RALGDS: variants seen among roughly 807,000 people sequenced by gnomAD.
RALGDS encodes the protein ral guanine nucleotide dissociation stimulator.
RALGDS carries 44 observed loss-of-function variants against 99.8 expected under a neutral mutation model. The ratio of observed to expected loss-of-function variants is 0.44; its 90% confidence interval spans 0.35 to 0.57. RALGDS has a LOEUF of 0.57. RALGDS is among the 20% of genes least tolerant of loss of function. RALGDS has a pLI of 0.01. For missense variants in RALGDS, 1,022 were observed against 1,203.1 expected (o/e 0.85, Z 2.23); for synonymous variants, 529 against 505.0 (o/e 1.05, Z -0.64).
intron 1 of RALGDS, among the ~76,000 whole-genome samples, chr9:133,120,440 C>G (rs1429894623): frequency 7.1e-6 from 1 of 141,308 alleles, no homozygotes; most frequent in Non-Finnish European, 1.5e-5. Context: ...CCCCCCCCCA[C>G]CCCGCTCTGA....
At chr9:133,113,573 C>T (rs766829981) in intron 1 of RALGDS, among the ~76,000 whole-genome samples, 6 of 152,218 alleles carry the variant, frequency 3.9e-5, no homozygotes, top group Non-Finnish European at 8.8e-5. Flanking sequence ...CAAACAGCCC[C>T]GCCAGGGGAG....
At chr9:133,130,721 AGCCATCAGAC>A (rs1832310413) in intron 1 of RALGDS, among the ~76,000 whole-genome samples, 1 of 152,212 alleles carries the variant, frequency 6.6e-6, no homozygotes, top group Admixed American at 6.6e-5. Context: ...AGACATTGGA[AGCCATCAGAC>A]GCATCCAACA....
chr9:133,100,128 G>A (rs1318431970), intron 17 of RALGDS, 140 bp downstream of exon 17: 2 of 808,730 alleles, frequency 2.5e-6, no homozygotes, highest in African/African-American at 1.7e-5. Context: ...CAGACAATGG[G>A]GGCAGCCAGG....
In RALGDS at chr9:133,110,438, C is replaced by G; in HGVS notation, c.346G>C (p.Val116Leu). 1 of 1,613,466 alleles carries G rather than the reference C, an allele frequency of 6.2e-7. No homozygotes were observed. Among genetic ancestry groups the G allele is most frequent in the Non-Finnish European group, 8.5e-7 (1 of 1,179,916 alleles). Residue 116 changes from valine to leucine, a missense_variant, in exon 3 of 18, where the codon GTG (valine) becomes CTG (leucine). By Grantham distance (32) the Val-to-Leu change is conservative (BLOSUM62 1). Coordinates refer to ENST00000372050, the MANE Select transcript of RALGDS (RefSeq NM_006266.4). The part of the protein sequence containing the change: ...NLYETCKVRT[V>L]KAGTLEKLVE... ...AGCTTCTCCAGCGTGCCAGCCTTCA[C>G]GGTCCGCACCTTGCAAGTCTCATAA...
chr9:133,104,973 G>C (rs545738208), intron 9 of RALGDS, among the ~76,000 whole-genome samples: 10 of 152,314 alleles, frequency 6.6e-5, no homozygotes, highest in African/African-American at 2.4e-4. Context: ...ATGGCCCTGA[G>C]ATGGGCAGTG....
chr9:133,128,546 T>C (rs1232258067), intron 1 of RALGDS, among the ~76,000 whole-genome samples: 4 of 152,138 alleles, frequency 2.6e-5, no homozygotes, highest in South Asian at 4.1e-4. Flanking sequence ...CCCGGACTCC[T>C]TGGAAATGCT....
intron 17 of RALGDS, 73 bp from the exon 18 acceptor site, chr9:133,098,835 G>T: frequency 6.8e-7 from 1 of 1,474,888 alleles, no homozygotes; most frequent in Non-Finnish European, 9.5e-7. Flanking sequence ...CCGCTTGAGA[G>T]CCCATACAAG....
chr9:133,142,422 C>G (rs1032802179), intron 1 of RALGDS, among the ~76,000 whole-genome samples: 1 of 152,124 alleles, frequency 6.6e-6, no homozygotes, highest in Non-Finnish European at 1.5e-5. Flanking sequence ...AGCCCCAGCC[C>G]GGAGCCTTCC....
chr9:133,099,826 A>G (rs1293910014), intron 17 of RALGDS: 1 of 208,274 alleles, frequency 4.8e-6, no homozygotes, highest in African/African-American at 2.3e-5. Flanking sequence ...ACACTTTCCC[A>G]GTTTCTAGAA....
upstream of RALGDS, among the ~76,000 whole-genome samples, chr9:133,132,661 A>T (rs373014868): frequency 1.1e-3 from 162 of 151,420 alleles, 3 homozygotes; most frequent in South Asian, 0.029. Context: ...TTTGTTTGAG[A>T]CGGAGTCTCG....
intron 1 of RALGDS, among the ~76,000 whole-genome samples, chr9:133,146,779 C>T (rs144531278): frequency 3.9e-4 from 59 of 152,342 alleles, no homozygotes; most frequent in African/African-American, 8.7e-4. Flanking sequence ...GTTCTGATGC[C>T]GTGAGCTGCC....
At chr9:133,116,828 T>C (rs1290356254) in intron 1 of RALGDS, among the ~76,000 whole-genome samples, 4 of 152,252 alleles carry the variant, frequency 2.6e-5, no homozygotes, top group Non-Finnish European at 5.9e-5. Context: ...ATTTGAACCC[T>C]GGCCTGTTGG....
rs1422433142 is a variant in RALGDS, at chr9:133,101,582, C to T, written c.2392G>A (p.Asp798Asn). The T allele has an allele frequency of 1.9e-6, 3 of 1,612,660 alleles. No individual in the cohort carries two copies. The highest frequency in any genetic ancestry group is 1.3e-5 in the African/African-American group (1 of 75,062). Reference protein sequence around the residue: ...ALPLYNQQVGDCCIIRVSLDV... With the variant: ...ALPLYNQQVGNCCIIRVSLDV... ...AGGCTGACGCGGATGATACAGCAGT[C>T]GCCCACCTGCTGGTTGTAGAGCGGC... Residue 798 changes from aspartate to asparagine, a missense_variant, in exon 16 of 18, where the codon GAC becomes AAC. By Grantham distance (23) the Asp-to-Asn change is conservative. Around this residue, in one of 3 missense-constraint regions of RALGDS, gnomAD observed 825 missense variants for 994.5 expected, o/e 0.83. Transcript: ENST00000372050.
chr9:133,143,777 C>T (rs58730741), intron 1 of RALGDS, among the ~76,000 whole-genome samples: 59,696 of 109,180 alleles, frequency 0.55, 15,598 homozygotes, highest in East Asian at 0.72. Flanking sequence ...ATAATAACAA[C>T]AACAACAACA....
At chr9:133,143,804 TAATAATAATAATAATAA>T (rs1475411461) in intron 1 of RALGDS, among the ~76,000 whole-genome samples, 1,526 of 143,502 alleles carry the variant, frequency 0.011, 25 homozygotes, top group African/African-American at 0.038. Context: ...ATAATAATAA[TAATAATAATAATAATAA>T]AATAAAGGAA....
At chr9:133,104,026 C>T (rs1170387451) in intron 10 of RALGDS, among the ~76,000 whole-genome samples, 193 bp from the exon 11 acceptor site, 1 of 152,140 alleles carries the variant, frequency 6.6e-6, no homozygotes, top group East Asian at 1.9e-4. Flanking sequence ...GTTCCCAAGT[C>T]GTGTGGCCCC....
chr9:133,139,692 G>A (rs1186083964), intron 1 of RALGDS, among the ~76,000 whole-genome samples: 1 of 152,232 alleles, frequency 6.6e-6, no homozygotes, highest in Non-Finnish European at 1.5e-5. Flanking sequence ...CTTAGGGCCT[G>A]CAAGTGTCCC....
chr9:133,101,871 T>A, intron 15 of RALGDS, 67 bp downstream of exon 15: 1 of 1,551,232 alleles, frequency 6.4e-7, no homozygotes, highest in East Asian at 2.4e-5. Context: ...CAGGGCTTCC[T>A]GGCCCCATGC....
At chr9:133,140,462 C>T (rs922109937) in intron 1 of RALGDS, among the ~76,000 whole-genome samples, 6 of 152,156 alleles carry the variant, frequency 3.9e-5, no homozygotes, top group African/African-American at 1.4e-4. Context: ...GATGGGCACA[C>T]CTGACCTCTC....
Sources: gnomAD v4.1 joint callset for allele counts (sites outside exome capture counted in the v4.1 genomes callset) on GRCh38, gnomAD v4.1.1 for gene constraint, gnomAD v4.1.1 regional missense constraint, MANE v1.5 for transcripts, NCBI Gene and HGNC (gene_info 2026-07-23, HGNC 2026-07-21) for gene names.